The following ANKS1B variants were observed in gnomAD, a reference collection of about 807,000 sequenced individuals.
ANKS1B encodes the protein ankyrin repeat and sterile alpha motif domain-containing protein 1B.
In ANKS1B, 36 loss-of-function variants were observed where a neutral mutation model predicts 148.3. That is an observed-to-expected ratio of 0.24 (90% confidence interval 0.19 to 0.32). The LOEUF (loss-of-function observed/expected upper bound fraction) is 0.32. Ranked by LOEUF, ANKS1B falls within the 10% of genes least tolerant of loss-of-function variation. ANKS1B has a pLI of 1.00. For synonymous variants in ANKS1B, 542 were observed against 560.8 expected (o/e 0.97, Z 0.47); for missense variants, 1,157 against 1,542.6 (o/e 0.75, Z 4.19).
At position 98,744,484 on chromosome 12, in the gene ANKS1B, C is replaced by G. The variant is rs1396829729; in HGVS notation, c.*1255G>C. ...ATATACATTAAAATGTTATTTTTTT[C>G]TATAATGATATTGGTACTGTTTATA... On this transcript the variant is annotated 3_prime_UTR_variant, in exon 27 of 27. Transcript: ENST00000683438. 1.5e-6 allele frequency: 1 copy of G among 648,866 alleles called. No homozygotes were observed. The highest frequency in any genetic ancestry group is 1.9e-6 in the Non-Finnish European group (1 of 523,124). The allele number at this position is 648,866 out of a possible 1,614,324, so 40.2% of individuals were successfully genotyped here. A position where few individuals can be genotyped will look rare whatever the true frequency, so the allele number is the denominator to read the frequency against.
At chr12:99,083,658 C>T (rs755687605) in intron 16 of ANKS1B, 14 of 152,114 alleles carry the variant, frequency 9.2e-5, no homozygotes, top group Non-Finnish European at 1.3e-4. Flanking sequence ...TTACCATCAT[C>T]GCCATTTTTA....
At chr12:99,009,003 G>C (rs2099937760) in intron 17 of ANKS1B, among the ~76,000 whole-genome samples, 1 of 152,138 alleles carries the variant, frequency 6.6e-6, no homozygotes, top group African/African-American at 2.4e-5. Flanking sequence ...AGCCTGCATG[G>C]GCTAGGAATA....
rs576291265 is a variant in ANKS1B at position 98,798,488 on chromosome 12, A to T, written c.3342+446T>A. 3.3e-5 allele frequency among the ~76,000 whole-genome samples: 5 copies of T among 149,374 alleles called. No individual in the cohort carries two copies. In the South Asian group the frequency reaches 1.1e-3, roughly 32 times the overall value. ...ATTCCACTCAAAGTTGAATTTAAAA[A>T]AATAAAAAAAAAAAACTGAGTAAGA... On this transcript the variant is annotated intron_variant, in intron 22 of 26. Coordinates refer to ENST00000683438, the MANE Select transcript of ANKS1B (RefSeq NM_001352186.2).
chr12:99,759,942 A>C (rs1340028806), intron 8 of ANKS1B, among the ~76,000 whole-genome samples: 2 of 119,404 alleles, frequency 1.7e-5, no homozygotes, highest in Non-Finnish European at 3.6e-5. Context: ...TTATAAAGAG[A>C]TTAGAAAGAA....
intron 9 of ANKS1B, among the ~76,000 whole-genome samples, chr12:99,645,598 A>G (rs919872120): frequency 6.6e-6 from 1 of 152,208 alleles, no homozygotes; most frequent in African/African-American, 2.4e-5. Context: ...TTATTTTAAT[A>G]TATCTAGTGA....
downstream of ANKS1B, among the ~76,000 whole-genome samples, chr12:98,741,716 CCT>C (rs1185918775): frequency 6.6e-6 from 1 of 152,224 alleles, no homozygotes; most frequent in Non-Finnish European, 1.5e-5. Context: ...CTCAGTCTCC[CCT>C]GACTCAACAC....
chr12:98,822,923 T>G (rs2099210971), intron 19 of ANKS1B, among the ~76,000 whole-genome samples: 1 of 152,248 alleles, frequency 6.6e-6, no homozygotes, highest in Non-Finnish European at 1.5e-5. Flanking sequence ...AAGACACTAA[T>G]CATATTGACA....
chr12:98,975,867 G>A (rs568042946), intron 17 of ANKS1B, among the ~76,000 whole-genome samples: 14 of 152,312 alleles, frequency 9.2e-5, no homozygotes, highest in African/African-American at 3.4e-4. Context: ...AGGGAATGTA[G>A]GCAGGGGCCA....
intron 10 of ANKS1B, among the ~76,000 whole-genome samples, chr12:99,501,064 A>G (rs996664880): frequency 2.6e-5 from 4 of 151,256 alleles, no homozygotes; most frequent in Non-Finnish European, 5.9e-5. Context: ...TGTGTAAGTA[A>G]TTGGAATTTT....
Position 99,333,854 on chromosome 12 carries a change from G to GTTTTTTTTTTTTTTTTT in ANKS1B, c.1756+65760_1756+65776dup, listed in dbSNP as rs10526476. Among the ~76,000 whole-genome samples the GTTTTTTTTTTTTTTTTT allele has an allele frequency of 1.0e-3, 108 of 107,432 alleles. 12 individuals carry two copies. Among genetic ancestry groups the GTTTTTTTTTTTTTTTTT allele is most frequent in the African/African-American group, 2.7e-3 (68 of 25,092 alleles). The allele number at this position is 107,432 out of a possible 152,430, so 70.5% of individuals were successfully genotyped here. ...ATCAAAGTCACATTTCCAGTTCTCA[G>GTTTTTTTTTTTTTTTTT]TTTTTTTTTTTTTTTTTTTTTAACA... On this transcript the variant is annotated intron_variant, in intron 12 of 26. Coordinates refer to ENST00000683438, the MANE Select transcript of ANKS1B (RefSeq NM_001352186.2).
intron 25 of ANKS1B, among the ~76,000 whole-genome samples, chr12:98,756,805 G>A (rs2098258344): frequency 6.8e-6 from 1 of 146,876 alleles, no homozygotes; most frequent in Admixed American, 6.8e-5. Flanking sequence ...TTGGCTCACT[G>A]CAACCTGTGC....
chr12:99,163,467 C>CTGTGTGTGTG (rs146637164), intron 14 of ANKS1B, among the ~76,000 whole-genome samples: 2,031 of 135,074 alleles, frequency 0.015, 20 homozygotes, highest in African/African-American at 0.029. Context: ...TACATGCACT[C>CTGTGTGTGTG]TGTGTGTGTG....
At chr12:99,960,084 A>G (rs534798608) in intron 1 of ANKS1B, among the ~76,000 whole-genome samples, 54 of 152,356 alleles carry the variant, frequency 3.5e-4, no homozygotes, top group African/African-American at 1.1e-3. Flanking sequence ...GAGATTTATA[A>G]TGTGAGCAAA....
rs1202858318 is a variant in ANKS1B at position 99,648,552 on chromosome 12, G to A, written c.1272+6515C>T. ...CCAGGCTGCTTCCCTTGATGTTTGT[G>A]AAAATAACCATCCACAACAGCGTAA... is the stretch of plus-strand genomic sequence containing the variant. On this transcript the variant is annotated intron_variant, in intron 9 of 26. Transcript: ENST00000683438. 2.5e-6 allele frequency: 4 copies of A among 1,614,154 alleles called. No homozygotes were observed. The South Asian group carries it at 4.4e-5, about 18-fold the overall frequency.
intron 8 of ANKS1B, among the ~76,000 whole-genome samples, chr12:99,668,424 T>A (rs1452214230): frequency 6.6e-6 from 1 of 152,134 alleles, no homozygotes; most frequent in Non-Finnish European, 1.5e-5. Flanking sequence ...ATCTCATTTT[T>A]TTTAAATGTG....
At chr12:99,072,771 T>C (rs1208956681) in intron 16 of ANKS1B, among the ~76,000 whole-genome samples, 1 of 152,224 alleles carries the variant, frequency 6.6e-6, no homozygotes, top group Admixed American at 6.5e-5. Context: ...TAGTTCTCCA[T>C]AGCATTTATC....
chr12:99,599,399 G>A (rs1346202085), intron 9 of ANKS1B, among the ~76,000 whole-genome samples: 2 of 152,046 alleles, frequency 1.3e-5, no homozygotes, highest in Non-Finnish European at 2.9e-5. Context: ...ACCAGATGAT[G>A]ATGACTAGAT....
chr12:99,229,743 C>G (rs2086525862), intron 14 of ANKS1B, among the ~76,000 whole-genome samples: 1 of 151,926 alleles, frequency 6.6e-6, no homozygotes. Flanking sequence ...TTTACTTCTT[C>G]TTCTGTTGCC....
chr12:99,198,596 G>C (rs1259213010), intron 14 of ANKS1B, among the ~76,000 whole-genome samples: 1 of 152,120 alleles, frequency 6.6e-6, no homozygotes, highest in African/African-American at 2.4e-5. Flanking sequence ...TGATAAATTT[G>C]GGAGTAAGAA....
Sources: gnomAD v4.1 joint callset for allele counts (sites outside exome capture counted in the v4.1 genomes callset) on GRCh38, gnomAD v4.1.1 for gene constraint, MANE v1.5 for transcripts, NCBI Gene and HGNC (gene_info 2026-07-23, HGNC 2026-07-21) for gene names.